Variants in NT5DC1 observed in about 807,000 individuals in gnomAD.
The protein encoded by NT5DC1 is 5'-nucleotidase domain containing 1.
NT5DC1 carries 42 observed loss-of-function variants against 59.4 expected under a neutral mutation model. That is an observed-to-expected ratio of 0.71 (90% CI 0.55 to 0.92). NT5DC1 has a LOEUF of 0.92. Ranked by LOEUF, NT5DC1 falls within the 40% of genes least tolerant of loss-of-function variation. The pLI is 0.00. For missense variants in NT5DC1, 501 were observed against 537.1 expected (o/e 0.93, Z 0.66); for synonymous variants, 172 against 188.1 (o/e 0.91, Z 0.70).
chr6:116,221,354 AT>A (rs1237739347), intron 7 of NT5DC1, 126 bp downstream of exon 7: 7 of 623,188 alleles, frequency 1.1e-5, no homozygotes, highest in Admixed American at 2.7e-5. Context: ...TGACAAGTTG[AT>A]TTTTTTTCTC....
At position 116,100,881 on chromosome 6, in the gene NT5DC1, TCCTTGCAC is replaced by T. The variant is rs1314406168; in HGVS notation, c.-45_-38del. On this transcript the variant is annotated 5_prime_UTR_variant, in exon 1 of 12. Transcript: ENST00000319550. ...GTCCCGCAGCGTCCCGCCAGCCAGC[TCCTTGCAC>T]CCTTCGCGGCCGAGGCGCTCCCTGG... is the stretch of plus-strand genomic sequence containing the variant. The T allele has an allele frequency of 3.5e-6, 5 of 1,435,268 alleles. No individual in the cohort carries two copies. The African/African-American group carries it at 7.4e-5, about 21-fold the overall frequency. The allele number at this position is 1,435,268 out of a possible 1,614,324, so 88.9% of individuals were successfully genotyped here.
intron 8 of NT5DC1, among the ~76,000 whole-genome samples, chr6:116,226,788 G>C (rs1283593485): frequency 6.6e-6 from 1 of 151,692 alleles, no homozygotes; most frequent in African/African-American, 2.4e-5. Context: ...TTTACATTTT[G>C]GGTTGTATAA....
intron 6 of NT5DC1, among the ~76,000 whole-genome samples, chr6:116,127,404 ATTG>A (rs1163122790): frequency 2.0e-5 from 3 of 152,200 alleles, no homozygotes; most frequent in African/African-American, 7.2e-5. Flanking sequence ...AAAAATTTAC[ATTG>A]TTGTATATAT....
chr6:116,197,675 C>T (rs764717437), intron 6 of NT5DC1, among the ~76,000 whole-genome samples: 2 of 152,012 alleles, frequency 1.3e-5, no homozygotes, highest in Non-Finnish European at 2.9e-5. Flanking sequence ...CCAATTGACA[C>T]AATTACTTTT....
intron 6 of NT5DC1, among the ~76,000 whole-genome samples, chr6:116,193,109 T>C (rs1002201116): frequency 2.0e-5 from 3 of 152,100 alleles, no homozygotes; most frequent in Admixed American, 6.6e-5. Flanking sequence ...GAGAATATGC[T>C]TATGAACTTT....
chr6:116,189,880 T>C (rs1434086008), intron 6 of NT5DC1, among the ~76,000 whole-genome samples: 2 of 152,038 alleles, frequency 1.3e-5, no homozygotes, highest in Non-Finnish European at 2.9e-5. Context: ...AATTCTCTTA[T>C]TGTATACTAT....
At chr6:116,149,479 C>T (rs1311325892) in intron 6 of NT5DC1, among the ~76,000 whole-genome samples, 1 of 152,140 alleles carries the variant, frequency 6.6e-6, no homozygotes, top group Non-Finnish European at 1.5e-5. Context: ...TATTCAAAGG[C>T]TACTTTAGTA....
chr6:116,202,154 T>C (rs937821229), intron 6 of NT5DC1, among the ~76,000 whole-genome samples: 1 of 151,992 alleles, frequency 6.6e-6, no homozygotes. Flanking sequence ...CCATACCTGC[T>C]AGAGCACCAG....
intron 6 of NT5DC1, among the ~76,000 whole-genome samples, chr6:116,154,647 A>T (rs928432672): frequency 7.0e-6 from 1 of 143,274 alleles, no homozygotes; most frequent in Non-Finnish European, 1.6e-5. Context: ...GTAAACTTAC[A>T]GATTAATTTA....
intron 5 of NT5DC1, among the ~76,000 whole-genome samples, chr6:116,116,540 G>C (rs1400229738): frequency 6.6e-6 from 1 of 152,124 alleles, no homozygotes; most frequent in Non-Finnish European, 1.5e-5. Context: ...TACTAGGGAG[G>C]CTGAGGCAGG....
intron 6 of NT5DC1, among the ~76,000 whole-genome samples, chr6:116,127,678 T>C (rs2114318040): frequency 6.6e-6 from 1 of 152,236 alleles, no homozygotes; most frequent in African/African-American, 2.4e-5. Context: ...AATGCTAGGT[T>C]GAATTTGTTT....
At position 116,241,949 on chromosome 6, in the gene NT5DC1, A is replaced by C. The variant is rs1243788977; in HGVS notation, c.1253-1960A>C. Among the ~76,000 whole-genome samples, 255 of 131,924 alleles carry C rather than the reference A, an allele frequency of 1.9e-3. 8 individuals carry two copies. Among genetic ancestry groups the C allele is most frequent in the Middle Eastern group, 3.6e-3 (1 of 278 alleles). The allele number at this position is 131,924 out of a possible 152,430, so 86.5% of individuals were successfully genotyped here. On this transcript the variant is annotated intron_variant, in intron 11 of 11. Coordinates refer to ENST00000319550, the MANE Select transcript of NT5DC1 (RefSeq NM_152729.3). ...AAAAAAAAAAAAAAACAAAACAAAA[A>C]AAAAAAAAAACAAAGAATCAGCAAG...
intron 6 of NT5DC1, among the ~76,000 whole-genome samples, chr6:116,144,513 A>AGT (rs1779848170): frequency 6.6e-6 from 1 of 151,892 alleles, no homozygotes; most frequent in African/African-American, 2.4e-5. Context: ...AAAAAAAAAA[A>AGT]GTGTAAAAGG....
At chr6:116,225,684 G>T (rs1433186881) in intron 8 of NT5DC1, among the ~76,000 whole-genome samples, 3 of 152,228 alleles carry the variant, frequency 2.0e-5, no homozygotes, top group African/African-American at 7.2e-5. Context: ...TTCATTGGAG[G>T]TATGGAACCA....
At chr6:116,113,623 A>G (rs919063166) in intron 4 of NT5DC1, among the ~76,000 whole-genome samples, 1 of 152,228 alleles carries the variant, frequency 6.6e-6, no homozygotes, top group African/African-American at 2.4e-5. Context: ...CACACAGCGG[A>G]CATTCAGCCC....
chr6:116,127,419 T>G (rs990191985), intron 6 of NT5DC1, among the ~76,000 whole-genome samples: 1 of 152,174 alleles, frequency 6.6e-6, no homozygotes, highest in African/African-American at 2.4e-5. Flanking sequence ...TGTATATATC[T>G]CTGTATAATA....
At chr6:116,234,431 C>T (rs1026380590) in intron 8 of NT5DC1, among the ~76,000 whole-genome samples, 1 of 151,970 alleles carries the variant, frequency 6.6e-6, no homozygotes, top group South Asian at 2.1e-4. Context: ...ACCTCTTTCT[C>T]CGGGCTGAAG....
In NT5DC1 at chr6:116,128,566, T is replaced by C. The variant is rs181196206; in HGVS notation, c.529+10621T>C. Among the ~76,000 whole-genome samples, 398 of 152,326 alleles carry C rather than the reference T, an allele frequency of 2.6e-3. 10 individuals are homozygous for C. The South Asian group carries it at 0.043, about 17-fold the overall frequency. ...ACTATTAAGCTTGCCTATTCATTTG[T>C]ACATCTGTGGATCGTTAATTAATTC... On this transcript the variant is annotated intron_variant, in intron 6 of 11. Coordinates refer to ENST00000319550, the MANE Select transcript of NT5DC1 (RefSeq NM_152729.3).
rs1420468164 is a variant in NT5DC1, at chr6:116,237,096, T to C, written c.921+12T>C. The C allele has an allele frequency of 6.6e-7, 1 of 1,523,598 alleles. No homozygotes were observed. 94.4% of individuals were successfully genotyped at this position (1,523,598 alleles called of 1,614,324 possible). ...AACCTGAACCCAAGGTATTTCCCAG[T>C]TGAGGAGAAGTCCTCAGTGCCCACT... On this transcript the variant is annotated intron_variant, in intron 9 of 11. Coordinates refer to ENST00000319550, the MANE Select transcript of NT5DC1 (RefSeq NM_152729.3).
Sources: allele counts gnomAD v4.1 joint callset (sites outside exome capture counted in the v4.1 genomes callset), GRCh38; gene constraint gnomAD v4.1.1; transcripts MANE v1.5; gene names NCBI Gene and HGNC (gene_info 2026-07-23, HGNC 2026-07-21).